Variants in ADAM7 observed in about 807,000 individuals in gnomAD.
ADAM7 encodes the protein disintegrin and metalloproteinase domain-containing protein 7.
A neutral mutation model predicts 102.9 loss-of-function variants in ADAM7; 97 were observed. That is an observed-to-expected ratio of 0.94 (90% CI 0.80 to 1.12). ADAM7 has a LOEUF of 1.12. ADAM7 is among the 50% of genes most tolerant of loss of function. The pLI is 0.00. For missense variants in ADAM7, 991 were observed against 908.7 expected, an observed-to-expected ratio of 1.09 and a Z score of -1.16; for synonymous variants, 334 against 304.4, an observed-to-expected ratio of 1.10 and a Z score of -1.01.
chr8:24,453,488 G>A (rs1464040866), intron 3 of ADAM7, among the ~76,000 whole-genome samples: 1 of 152,080 alleles, frequency 6.6e-6, no homozygotes, highest in African/African-American at 2.4e-5. Context: ...TCGAGCCTTG[G>A]CTTTCAGCTC....
intron 2 of ADAM7, among the ~76,000 whole-genome samples, chr8:24,443,720 G>T (rs770251640): frequency 2.6e-5 from 4 of 151,970 alleles, no homozygotes; most frequent in African/African-American, 9.7e-5. Context: ...GGCAGATCAC[G>T]TGAGGCCAGG....
At chr8:24,481,004 A>G (rs1296333599) in intron 8 of ADAM7, among the ~76,000 whole-genome samples, 1 of 152,100 alleles carries the variant, frequency 6.6e-6, no homozygotes, top group Non-Finnish European at 1.5e-5. Context: ...CAACTTTGCA[A>G]TGAGCTATGA....
chr8:24,459,128 T>A (rs1819146154), intron 3 of ADAM7, among the ~76,000 whole-genome samples: 1 of 151,976 alleles, frequency 6.6e-6, no homozygotes, highest in South Asian at 2.1e-4. Context: ...GGAAACTGCA[T>A]GTGCCTTGAG....
chr8:24,471,274 T>C (rs951785985), intron 7 of ADAM7, among the ~76,000 whole-genome samples: 2 of 152,092 alleles, frequency 1.3e-5, no homozygotes, highest in Admixed American at 1.3e-4. Flanking sequence ...GTTAATTTAT[T>C]ATTCAATAAA....
chr8:24,486,630 T>G (rs558983592), intron 10 of ADAM7, among the ~76,000 whole-genome samples: 1 of 152,280 alleles, frequency 6.6e-6, no homozygotes, highest in South Asian at 2.1e-4. Context: ...ATTAAGTCCT[T>G]AGCAGATTCG....
chr8:24,492,712 G>A (rs2129392647), intron 15 of ADAM7, 115 bp downstream of exon 15: 1 of 679,408 alleles, frequency 1.5e-6, no homozygotes, highest in African/African-American at 1.8e-5. Context: ...GGAGAAGAGG[G>A]AAATAAGAAG....
At chr8:24,454,063 G>C (rs573015045) in intron 3 of ADAM7, among the ~76,000 whole-genome samples, 122 of 152,310 alleles carry the variant, frequency 8.0e-4, no homozygotes, top group Non-Finnish European at 1.6e-3. Context: ...TGCCCCTACT[G>C]GGGGGTGCCT....
intron 2 of ADAM7, 107 bp from the exon 3 acceptor site, chr8:24,447,079 A>G (rs1818587508): frequency 2.0e-6 from 1 of 507,522 alleles, no homozygotes; most frequent in African/African-American, 2.0e-5. Flanking sequence ...GGCTGAAAGG[A>G]CTGCTGGGTG....
chr8:24,457,468 G>T (rs1204880439), intron 3 of ADAM7, among the ~76,000 whole-genome samples: 3 of 152,024 alleles, frequency 2.0e-5, no homozygotes, highest in African/African-American at 7.3e-5. Flanking sequence ...TAGAGATGGG[G>T]TTTCACCGTG....
At chr8:24,448,461 C>T (rs1373053372) in intron 3 of ADAM7, among the ~76,000 whole-genome samples, 1 of 152,114 alleles carries the variant, frequency 6.6e-6, no homozygotes, top group East Asian at 1.9e-4. Flanking sequence ...GCAACACTGC[C>T]TCATTCCCTC....
intron 9 of ADAM7, 34 bp downstream of exon 9, chr8:24,482,345 G>T (rs754001688): frequency 1.9e-6 from 3 of 1,567,706 alleles, no homozygotes; most frequent in South Asian, 2.4e-5. Context: ...GCATACCTTT[G>T]GTGGATTATT....
chr8:24,460,190 T>C (rs983865342), intron 3 of ADAM7, among the ~76,000 whole-genome samples: 1 of 152,142 alleles, frequency 6.6e-6, no homozygotes, highest in Admixed American at 6.5e-5. Flanking sequence ...AATAAGATAC[T>C]ATTCTTTTAT....
intron 2 of ADAM7, among the ~76,000 whole-genome samples, chr8:24,445,897 G>C (rs779366371): frequency 6.6e-6 from 1 of 152,136 alleles, no homozygotes; most frequent in Non-Finnish European, 1.5e-5. Context: ...GGCATGTGCT[G>C]TTCCCTGCCC....
intron 3 of ADAM7, among the ~76,000 whole-genome samples, chr8:24,455,465 C>G (rs1203591023): frequency 6.6e-6 from 1 of 152,196 alleles, no homozygotes; most frequent in East Asian, 1.9e-4. Flanking sequence ...TGCAGTGGCA[C>G]AGTCATGGCT....
At chr8:24,465,095 A>G (rs1018938196) in intron 4 of ADAM7, among the ~76,000 whole-genome samples, 2 of 152,162 alleles carry the variant, frequency 1.3e-5, no homozygotes, top group East Asian at 1.9e-4. Context: ...GCAAATGTCA[A>G]CTTCTATGAG....
At position 24,482,146 on chromosome 8, in the gene ADAM7, A is replaced by G. The variant is rs1585898638; in HGVS notation, c.710A>G (p.Tyr237Cys). The part of the protein sequence containing the change: ...WGMVNFVNMI[Y>C]KTLNIHVTLV... Reference sequence around the variant, plus strand: ...AATGATTTCTTCTTTGAACAGATTTATAAAACCTTAAACATCCATGTGACG... The same window carrying G: ...AATGATTTCTTCTTTGAACAGATTTGTAAAACCTTAAACATCCATGTGACG... The change falls in exon 9 of 22, where the codon TAT becomes TGT. Residue 237 changes from tyrosine (Y) to cysteine (C), a missense_variant. Transcript: ENST00000175238. 1 of 1,579,482 alleles carries G rather than the reference A, an allele frequency of 6.3e-7. No individual in the cohort carries two copies. The highest frequency in any genetic ancestry group is 1.2e-5 in the South Asian group (1 of 84,400).
intron 17 of ADAM7, 78 bp from the exon 18 acceptor site, chr8:24,500,100 G>A: frequency 1.6e-6 from 2 of 1,283,342 alleles, no homozygotes; most frequent in Non-Finnish European, 2.2e-6. Flanking sequence ...TTGATGTAGA[G>A]GTAGCACTAA....
chr8:24,444,500 A>G (rs1290630294), intron 2 of ADAM7, among the ~76,000 whole-genome samples: 5 of 151,954 alleles, frequency 3.3e-5, no homozygotes, highest in African/African-American at 1.2e-4. Flanking sequence ...CCACGTGATC[A>G]GGTTTAACAC....
At position 24,487,334 on chromosome 8, in the gene ADAM7, G is replaced by T; in HGVS notation, c.1091+17G>T. The T allele has an allele frequency of 6.2e-7, 1 of 1,612,136 alleles. No homozygotes were observed. The highest frequency in any genetic ancestry group is 1.1e-5 in the South Asian group (1 of 90,982). Reference sequence around the variant, plus strand: ...TGATGGAAGGTGAGATTCGAACAATGTACAGAATACACTTACATAATTCAG... The same window carrying T: ...TGATGGAAGGTGAGATTCGAACAATTTACAGAATACACTTACATAATTCAG... On this transcript the variant is annotated intron_variant, in intron 11 of 21. Transcript: ENST00000175238.
Sources: gnomAD v4.1 joint callset for allele counts (sites outside exome capture counted in the v4.1 genomes callset) on GRCh38, gnomAD v4.1.1 for gene constraint, MANE v1.5 for transcripts, NCBI Gene and HGNC (gene_info 2026-07-23, HGNC 2026-07-21) for gene names.